The following PLTP variants were observed in gnomAD, a reference collection of about 807,000 sequenced individuals.
The protein encoded by PLTP is BPI fold containing family E.
A neutral mutation model predicts 54.1 loss-of-function variants in PLTP; 43 were observed. That is an observed-to-expected ratio of 0.79 (90% CI 0.62 to 1.02). The LOEUF (loss-of-function observed/expected upper bound fraction) is 1.02. Among genes scored for constraint, PLTP ranks in the 50% least tolerant of loss-of-function variants. The pLI is 0.00. For synonymous variants in PLTP, 263 were observed against 264.6 expected, an observed-to-expected ratio of 0.99 and a Z score of 0.06; for missense variants, 604 against 645.9, an observed-to-expected ratio of 0.94 and a Z score of 0.70.
intron 8 of PLTP, among the ~76,000 whole-genome samples, chr20:45,905,774 C>T (rs535226101): frequency 3.9e-5 from 6 of 152,358 alleles, no homozygotes; most frequent in Non-Finnish European, 7.3e-5. Flanking sequence ...TCTGAAACTG[C>T]TATACTCCTC....
chr20:45,898,932 A>T lies in PLTP; in HGVS notation c.*9T>A. ...CTGAATGACAGCTGCCAGCTTGGGGATTGAGGGCTCAGACAGCTGCTGTGG... is the reference window on the plus strand; with the variant it reads ...CTGAATGACAGCTGCCAGCTTGGGGTTTGAGGGCTCAGACAGCTGCTGTGG... On this transcript the variant is annotated 3_prime_UTR_variant, in exon 16 of 16. Transcript: ENST00000372431. The surrounding 1 kb of genome is among the most constrained non-coding windows in gnomAD (Gnocchi z 4.6). 1 of 1,613,220 alleles carries T rather than the reference A, an allele frequency of 6.2e-7. No individual in the cohort carries two copies. Among genetic ancestry groups the T allele is most frequent in the East Asian group, 2.2e-5 (1 of 44,854 alleles).
rs775802680 is a variant in PLTP, at chr20:45,898,928, G to C, written c.*13C>G. 6.2e-7 allele frequency: 1 copy of C among 1,612,944 alleles called. No individual in the cohort carries two copies. The highest frequency in any genetic ancestry group is 1.1e-5 in the South Asian group (1 of 91,046). ...GGTCCTGAATGACAGCTGCCAGCTTGGGGATTGAGGGCTCAGACAGCTGCT... is the reference window on the plus strand; with the variant it reads ...GGTCCTGAATGACAGCTGCCAGCTTCGGGATTGAGGGCTCAGACAGCTGCT... On this transcript the variant is annotated 3_prime_UTR_variant, in exon 16 of 16. Coordinates refer to ENST00000372431, the MANE Select transcript of PLTP (RefSeq NM_006227.4). This position sits in a 1 kb window ranked among gnomAD's most constrained non-coding sequence, Gnocchi z 4.6.
chr20:45,901,076 G>A (rs1274450066), intron 12 of PLTP, among the ~76,000 whole-genome samples: 1 of 152,188 alleles, frequency 6.6e-6, no homozygotes. Context: ...GCACTGTCCA[G>A]TCAGATTTTC....
At chr20:45,903,154 T>A (rs1036631065) in intron 10 of PLTP, among the ~76,000 whole-genome samples, 10 of 152,060 alleles carry the variant, frequency 6.6e-5, no homozygotes, top group Admixed American at 6.5e-4. Context: ...AGTGCTGGGA[T>A]TACAGGCATG....
rs139710284 is a variant in PLTP, at chr20:45,899,477, C to G, written c.1344G>C (p.Val448=). 2,783 of 1,614,104 alleles carry G rather than the reference C, an allele frequency of 1.7e-3. 13 individuals are homozygous for G. Among genetic ancestry groups the G allele is most frequent in the South Asian group, 6.2e-3 (561 of 91,082 alleles). The change falls in exon 15 of 16, where the codon GTG becomes GTC. Residue 448 remains valine (V), a synonymous_variant. Transcript: ENST00000372431. ...CCCCACTCACCGCATGGTTCGTCAC[C>G]ACCTCATGCACAAAGTTGATGCCCT... The part of the protein sequence containing the change: ...LPEGINFVHE[V]VTNHAGFLTI...
chr20:45,905,197 G>A (rs2083228616), intron 8 of PLTP, 79 bp from the exon 9 acceptor site: 15 of 1,313,334 alleles, frequency 1.1e-5, no homozygotes, highest in South Asian at 8.4e-5. Context: ...TCCCAGCCCC[G>A]TGCTAGGCAC....
At position 45,898,812 on chromosome 20, in the gene PLTP, A is replaced by C. The variant is rs1038304843; in HGVS notation, c.*129T>G. 4.7e-6 allele frequency: 5 copies of C among 1,066,754 alleles called. No homozygotes were observed. Among genetic ancestry groups the C allele is most frequent in the Non-Finnish European group, 6.7e-6 (5 of 743,912 alleles). 66.1% of individuals were successfully genotyped at this position (1,066,754 alleles called of 1,614,324 possible). A position where few individuals can be genotyped will look rare whatever the true frequency, so the allele number is the denominator to read the frequency against. ...TTGATTATGGAATTAAATTGGGTACAGCTTCAAATCCCGTCTTCTCTGTGG... is the reference window on the plus strand; with the variant it reads ...TTGATTATGGAATTAAATTGGGTACCGCTTCAAATCCCGTCTTCTCTGTGG... On this transcript the variant is annotated 3_prime_UTR_variant, in exon 16 of 16. Coordinates refer to ENST00000372431, the MANE Select transcript of PLTP (RefSeq NM_006227.4). The surrounding 1 kb of genome is among the most constrained non-coding windows in gnomAD (Gnocchi z 4.6).
intron 3 of PLTP, chr20:45,910,848 A>G (rs1190821167): frequency 1.2e-5 from 15 of 1,286,856 alleles, no homozygotes; most frequent in Admixed American, 3.3e-5. Flanking sequence ...ACTCTCATCT[A>G]TTGGGAAGTT....
chr20:45,898,825 G>A lies in PLTP; in HGVS notation c.*116C>T, dbSNP rs930010498. 1.1e-4 allele frequency: 127 copies of A among 1,191,314 alleles called. No individual in the cohort carries two copies. The highest frequency in any genetic ancestry group is 4.7e-5 in the Non-Finnish European group (40 of 850,148). The allele number at this position is 1,191,314 out of a possible 1,614,324, so 73.8% of individuals were successfully genotyped here. On this transcript the variant is annotated 3_prime_UTR_variant, in exon 16 of 16. Transcript: ENST00000372431. The surrounding 1 kb of genome is among the most constrained non-coding windows in gnomAD (Gnocchi z 4.6). ...TAAATTGGGTACAGCTTCAAATCCC[G>A]TCTTCTCTGTGGCACTGGGGGTTAG...
rs185570711 is a variant in PLTP at position 45,899,551 on chromosome 20, G to A, written c.1283-13C>T. 1 of 1,614,100 alleles carries A rather than the reference G, an allele frequency of 6.2e-7. No individual in the cohort carries two copies. The highest frequency in any genetic ancestry group is 8.5e-7 in the Non-Finnish European group (1 of 1,179,954). On this transcript the variant is annotated splice_polypyrimidine_tract_variant and intron_variant, in intron 14 of 15. Coordinates refer to ENST00000372431, the MANE Select transcript of PLTP (RefSeq NM_006227.4). ...CGCCAGGTCCGCTCTGTGGGTGGGA[G>A]CACCCCGCTCAGTCTGGGCCCGCCC... is the stretch of plus-strand genomic sequence containing the variant.
chr20:45,909,884 C>A, intron 4 of PLTP, 58 bp downstream of exon 4: 1 of 1,603,926 alleles, frequency 6.2e-7, no homozygotes, highest in Non-Finnish European at 8.5e-7. Flanking sequence ...CACAGCCCCA[C>A]AGCACCTCCA....
chr20:45,907,332 CAAA>C (rs201245712), intron 7 of PLTP, among the ~76,000 whole-genome samples: 41 of 99,606 alleles, frequency 4.1e-4, no homozygotes, highest in South Asian at 5.8e-4. Flanking sequence ...AGACTCCGTG[CAAA>C]AAAAAAAAAA....
rs1322194230 is a variant in PLTP, at chr20:45,910,980, T to C, written c.200+172A>G. The C allele has an allele frequency of 2.1e-5, 31 of 1,503,136 alleles. No homozygotes were observed. The East Asian group carries it at 3.9e-4, about 19-fold the overall frequency. 93.1% of individuals were successfully genotyped at this position (1,503,136 alleles called of 1,614,324 possible). On this transcript the variant is annotated intron_variant, in intron 3 of 15. Coordinates refer to ENST00000372431, the MANE Select transcript of PLTP (RefSeq NM_006227.4). ...TCTGCCTGGTCCCGCCTATGATGACTGGCTTGGCCTTTATCTTTTCGGCCC... is the reference window on the plus strand; with the variant it reads ...TCTGCCTGGTCCCGCCTATGATGACCGGCTTGGCCTTTATCTTTTCGGCCC...
chr20:45,906,863 C>T (rs1361558322), intron 7 of PLTP, among the ~76,000 whole-genome samples: 1 of 104,734 alleles, frequency 9.5e-6, no homozygotes, highest in Admixed American at 1.1e-4. Flanking sequence ...TGCACTCCAG[C>T]CTGGGTGACA....
At position 45,909,947 on chromosome 20, in the gene PLTP, C is replaced by A; in HGVS notation, c.324G>T (p.Trp108Cys). 1 of 1,614,108 alleles carries A rather than the reference C, an allele frequency of 6.2e-7. No individual in the cohort carries two copies. Among genetic ancestry groups the A allele is most frequent in the East Asian group, 2.2e-5 (1 of 44,890 alleles). Reference sequence around the variant, plus strand: ...TGAGGGTGCTGGGTCCTTACAAGAACCAGTAGAGCAGCTGTCTCCGGAAGC... The same window carrying A: ...TGAGGGTGCTGGGTCCTTACAAGAAACAGTAGAGCAGCTGTCTCCGGAAGC... ...GLRFRRQLLY[W>C]FFYDGGYINA... Residue 108 changes from tryptophan (W) to cysteine (C), a missense_variant, in exon 4 of 16, where the codon TGG (tryptophan) becomes TGT (cysteine). Transcript: ENST00000372431.
At chr20:45,901,152 G>A (rs939319784) in intron 12 of PLTP, among the ~76,000 whole-genome samples, 2 of 152,186 alleles carry the variant, frequency 1.3e-5, no homozygotes, top group Non-Finnish European at 2.9e-5. Context: ...CTAATGAAAT[G>A]TGGCTTAGTG....
intron 12 of PLTP, among the ~76,000 whole-genome samples, chr20:45,900,665 C>G (rs2083176398): frequency 6.6e-6 from 1 of 151,982 alleles, no homozygotes; most frequent in South Asian, 2.1e-4. Flanking sequence ...GTAGCTGGGA[C>G]CACAGGCGTG....
In PLTP at chr20:45,900,357, G is replaced by A. The variant is rs192106295; in HGVS notation, c.1176-479C>T. Among the ~76,000 whole-genome samples the A allele has an allele frequency of 9.8e-3, 1,488 of 151,724 alleles. 14 individuals carry two copies. The highest frequency in any genetic ancestry group is 0.025 in the East Asian group (128 of 5,134). On this transcript the variant is annotated intron_variant, in intron 12 of 15. Coordinates refer to ENST00000372431, the MANE Select transcript of PLTP (RefSeq NM_006227.4). ...CCTGACCTTGTGATCCGCCCGTCTC[G>A]GCCTCCCAAAGTGCTGGGATTACAG...
intron 1 of PLTP, 119 bp from the exon 2 acceptor site, chr20:45,911,582 T>G: frequency 2.9e-6 from 4 of 1,377,560 alleles, no homozygotes; most frequent in Non-Finnish European, 4.0e-6. Flanking sequence ...TTCGGGGAAC[T>G]TGGAACCAAT....
Sources: gnomAD v4.1 joint callset for allele counts (sites outside exome capture counted in the v4.1 genomes callset) on GRCh38, gnomAD v4.1.1 for gene constraint, Gnocchi (gnomAD v3.1) non-coding constraint, MANE v1.5 for transcripts, NCBI Gene and HGNC (gene_info 2026-07-23, HGNC 2026-07-21) for gene names.